Variants in P2RX7 observed in about 807,000 individuals in gnomAD.
P2RX7 encodes the protein purinergic receptor P2X 7.
Under a neutral mutation model 71.6 loss-of-function variants are expected in P2RX7, and 62 were observed. The ratio of observed to expected loss-of-function variants is 0.87; its 90% CI spans 0.71 to 1.07. The LOEUF (loss-of-function observed/expected upper bound fraction) is 1.07, where lower values mean the gene tolerates loss of function less well. Ranked by LOEUF, P2RX7 falls within the 50% of genes least tolerant of loss-of-function variation. The probability of loss-of-function intolerance (pLI) is 0.00; values close to 1 mark genes in which losing one functional copy is unlikely to be tolerated. For missense variants in P2RX7, 686 were observed against 748.5 expected, an observed-to-expected ratio of 0.92 and a Z score of 0.97; for synonymous variants, 299 against 283.3, an observed-to-expected ratio of 1.06 and a Z score of -0.56.
At chr12:121,138,886 G>A (rs1300934855) in intron 1 of P2RX7, among the ~76,000 whole-genome samples, 1 of 152,204 alleles carries the variant, frequency 6.6e-6, no homozygotes, top group African/African-American at 2.4e-5. Flanking sequence ...TTTGGTTTCT[G>A]TGACCACCAA....
chr12:121,146,298 T>C (rs1416372474), intron 1 of P2RX7, among the ~76,000 whole-genome samples: 1 of 133,918 alleles, frequency 7.5e-6, no homozygotes. Context: ...TTTTTTTTTT[T>C]TTTTTTTTTT....
At position 121,177,407 on chromosome 12, in the gene P2RX7, C is replaced by T; in HGVS notation, c.1149C>T (p.Tyr383=). Residue 383 remains tyrosine, a synonymous_variant, in exon 11 of 13, where the codon TAC becomes TAT. Transcript: ENST00000328963. ...AGCCCTGTGTGGTCAACGAATACTA[C>T]TACAGGAAGAAGTGCGAGTCCATTG... The part of the protein sequence containing the change: ...CCQPCVVNEY[Y]YRKKCESIVE... 6.2e-7 allele frequency: 1 copy of T among 1,613,762 alleles called. No individual in the cohort carries two copies.
intron 11 of P2RX7, among the ~76,000 whole-genome samples, chr12:121,180,026 G>A (rs1325600160): frequency 2.0e-5 from 3 of 151,596 alleles, no homozygotes; most frequent in East Asian, 3.9e-4. Context: ...GTGCATGCCT[G>A]TAATCCCAGC....
Position 121,154,776 on chromosome 12 carries a change from G to A in P2RX7, c.126-9G>A. The A allele has an allele frequency of 6.3e-7, 1 of 1,589,790 alleles. No homozygotes were observed. Among genetic ancestry groups the A allele is most frequent in the Non-Finnish European group, 8.6e-7 (1 of 1,157,800 alleles). ...CTCCCGTTGATGCTTTCCCATGTCT[G>A]CCATTTAGCTTTGCTCTGGTGAGTG... On this transcript the variant is annotated splice_polypyrimidine_tract_variant and intron_variant, in intron 1 of 12. Coordinates refer to ENST00000328963, the MANE Select transcript of P2RX7 (RefSeq NM_002562.6). This position sits in a 1 kb window ranked among gnomAD's most constrained non-coding sequence, Gnocchi z 4.2.
chr12:121,132,985 C>CA lies in P2RX7; in HGVS notation c.16dup (p.Ser6LysfsTer4). The CA allele has an allele frequency of 6.2e-7, 1 of 1,613,876 alleles. No homozygotes were observed. The highest frequency in any genetic ancestry group is 1.3e-5 in the African/African-American group (1 of 75,016). Reference sequence around the variant, plus strand: ...AGGCTGTCACCATGCCGGCCTGCTGCAGCTGCAGTGATGTTTTCCAGTATG... The same window carrying CA: ...AGGCTGTCACCATGCCGGCCTGCTGCAAGCTGCAGTGATGTTTTCCAGTATG... On this transcript the variant is annotated frameshift_variant, in exon 1 of 13. Transcript: ENST00000328963. LOFTEE classifies it high-confidence loss of function.
intron 8 of P2RX7, 64 bp from the exon 9 acceptor site, chr12:121,175,324 A>C (rs894209471): frequency 2.0e-6 from 2 of 1,023,632 alleles, no homozygotes; most frequent in South Asian, 1.5e-5. Context: ...AAAAAAAAAA[A>C]AAAAACCCAA....
intron 1 of P2RX7, among the ~76,000 whole-genome samples, chr12:121,146,333 T>C (rs1876206279): frequency 7.4e-6 from 1 of 135,394 alleles, no homozygotes; most frequent in African/African-American, 2.9e-5. Flanking sequence ...TCTTACTCTG[T>C]CCCAGGCTGG....
At chr12:121,175,337 C>T in intron 8 of P2RX7, 51 bp from the exon 9 acceptor site, 1 of 872,566 alleles carries the variant, frequency 1.1e-6, no homozygotes, top group Non-Finnish European at 1.7e-6. Context: ...AAACCCAAAA[C>T]CCAGCACTTT....
intron 11 of P2RX7, among the ~76,000 whole-genome samples, chr12:121,178,961 C>T (rs569647087): frequency 5.1e-4 from 78 of 151,834 alleles, no homozygotes; most frequent in Middle Eastern, 6.8e-3. Context: ...CATGTATATT[C>T]TATATATACA....
intron 4 of P2RX7, 54 bp from the exon 5 acceptor site, chr12:121,162,370 T>C (rs1403604834): frequency 6.2e-7 from 1 of 1,605,730 alleles, no homozygotes; most frequent in African/African-American, 1.3e-5. Context: ...CTGGAGAACG[T>C]CCTCTCCGCA....
At chr12:121,177,549 G>A (rs969638800) in intron 11 of P2RX7, 103 bp downstream of exon 11, 1 of 1,134,134 alleles carries the variant, frequency 8.8e-7, no homozygotes, top group Non-Finnish European at 1.3e-6. Flanking sequence ...TCATCCTGTA[G>A]TGGATACGTC....
intron 5 of P2RX7, 22 bp from the exon 6 acceptor site, chr12:121,165,335 A>ATT (rs1188526201): frequency 8.1e-6 from 13 of 1,608,534 alleles, no homozygotes; most frequent in Non-Finnish European, 1.1e-5. Flanking sequence ...ACTAATGGCC[A>ATT]TTTTGCATGT....
chr12:121,160,866 C>T, intron 3 of P2RX7, 36 bp from the exon 4 acceptor site: 1 of 1,478,018 alleles, frequency 6.8e-7, no homozygotes, highest in South Asian at 1.1e-5. Context: ...TAACACACGT[C>T]ACTTACTCCC....
At chr12:121,168,669 A>G (rs1881607033) in intron 8 of P2RX7, among the ~76,000 whole-genome samples, 1 of 152,184 alleles carries the variant, frequency 6.6e-6, no homozygotes, top group Non-Finnish European at 1.5e-5. Flanking sequence ...GATTTGCCCA[A>G]GACCCACAGC....
intron 11 of P2RX7, among the ~76,000 whole-genome samples, chr12:121,179,236 C>T (rs534531889): frequency 4.6e-5 from 7 of 152,256 alleles, no homozygotes; most frequent in East Asian, 1.9e-4. Flanking sequence ...TGGTGGCTCA[C>T]GCCTGTAGTC....
Position 121,184,682 on chromosome 12 carries a change from G to A in P2RX7, c.1668G>A (p.Trp556Ter). ...RHCAYRCYAT[W>*]RFGSQDMADF... Reference sequence around the variant, plus strand: ...GTGCCTACAGGTGCTACGCCACCTGGCGCTTCGGCTCCCAGGACATGGCTG... The same window carrying A: ...GTGCCTACAGGTGCTACGCCACCTGACGCTTCGGCTCCCAGGACATGGCTG... The change falls in exon 13 of 13, where the codon TGG (tryptophan) becomes TGA (stop). Residue 556 changes from tryptophan (W) to a stop codon, truncating the protein, a stop_gained. Transcript: ENST00000328963. LOFTEE classifies it high-confidence loss of function. The A allele has an allele frequency of 6.3e-7, 1 of 1,578,478 alleles. No individual in the cohort carries two copies. The highest frequency in any genetic ancestry group is 8.6e-7 in the Non-Finnish European group (1 of 1,162,242).
intron 1 of P2RX7, among the ~76,000 whole-genome samples, chr12:121,136,021 A>T (rs867659734): frequency 0.12 from 1,881 of 16,264 alleles, 114 homozygotes; most frequent in South Asian, 0.15. Context: ...AAAAAAAAAA[A>T]AAATATATAT....
chr12:121,150,322 C>T (rs17525767), intron 1 of P2RX7, among the ~76,000 whole-genome samples: 10,657 of 152,238 alleles, frequency 0.07, 597 homozygotes, highest in Non-Finnish European at 0.095. Context: ...TCCATTAAGG[C>T]TGATCGATCA....
At chr12:121,136,650 T>TC (rs1317277215) in intron 1 of P2RX7, among the ~76,000 whole-genome samples, 17 of 144,014 alleles carry the variant, frequency 1.2e-4, no homozygotes, top group African/African-American at 3.1e-4. Context: ...TTTCTTTCTT[T>TC]TTTTTTTTTT....
Sources: gnomAD v4.1 joint callset for allele counts (sites outside exome capture counted in the v4.1 genomes callset) on GRCh38, gnomAD v4.1.1 for gene constraint, Gnocchi (gnomAD v3.1) non-coding constraint, MANE v1.5 for transcripts, NCBI Gene and HGNC (gene_info 2026-07-23, HGNC 2026-07-21) for gene names.